DCBLD1: variants seen among roughly 807,000 people sequenced by gnomAD.
DCBLD1 encodes discoidin, CUB and LCCL domain containing 1.
Under a neutral mutation model 71.5 loss-of-function variants are expected in DCBLD1, and 57 were observed. That is an observed-to-expected ratio of 0.80 (90% CI 0.64 to 0.99). The LOEUF (loss-of-function observed/expected upper bound fraction) is 0.99, where lower values mean the gene tolerates loss of function less well. Among genes scored for constraint, DCBLD1 ranks in the 50% least tolerant of loss-of-function variants. The pLI, the probability that DCBLD1 is intolerant of heterozygous loss-of-function variation, is 0.00. For synonymous variants in DCBLD1, 380 were observed against 363.8 expected (o/e 1.04, Z -0.51); for missense variants, 891 against 923.5 (o/e 0.96, Z 0.46).
intron 2 of DCBLD1, among the ~76,000 whole-genome samples, chr6:117,506,527 T>G (rs1777849178): frequency 6.6e-6 from 1 of 152,240 alleles, no homozygotes; most frequent in Non-Finnish European, 1.5e-5. Flanking sequence ...TTTAAAGATT[T>G]CCTTTGACCA....
chr6:117,541,406 C>CT (rs1779092618), intron 11 of DCBLD1, among the ~76,000 whole-genome samples: 1 of 152,062 alleles, frequency 6.6e-6, no homozygotes, highest in Non-Finnish European at 1.5e-5. Flanking sequence ...ATAGAACTAT[C>CT]TAAGTAGCAC....
chr6:117,540,843 A>T, intron 10 of DCBLD1, 28 bp downstream of exon 10: 1 of 1,614,152 alleles, frequency 6.2e-7, no homozygotes, highest in Non-Finnish European at 8.5e-7. Flanking sequence ...CCAGTGAGTT[A>T]CTCAAGTTTG....
At chr6:117,539,126 AAT>A (rs1779003153) in intron 8 of DCBLD1, 127 bp from the exon 9 acceptor site, 1 of 839,292 alleles carries the variant, frequency 1.2e-6, no homozygotes, top group African/African-American at 1.7e-5. Context: ...AAATGCAACT[AAT>A]ATAAGTTGGC....
chr6:117,564,769 T>C (rs1177127165), intron 14 of DCBLD1, among the ~76,000 whole-genome samples: 4 of 152,150 alleles, frequency 2.6e-5, no homozygotes, highest in Admixed American at 2.6e-4. Flanking sequence ...AAGTGTGAAA[T>C]ACAATGAAAC....
chr6:117,502,348 G>A (rs1361928577), intron 1 of DCBLD1, among the ~76,000 whole-genome samples: 1 of 152,214 alleles, frequency 6.6e-6, no homozygotes, highest in Non-Finnish European at 1.5e-5. Context: ...TCAGCCCTCT[G>A]TCAGGGGCTG....
At chr6:117,500,196 C>A (rs1054194630) in intron 1 of DCBLD1, among the ~76,000 whole-genome samples, 1 of 152,154 alleles carries the variant, frequency 6.6e-6, no homozygotes, top group African/African-American at 2.4e-5. Context: ...GTGAAAATTC[C>A]TGATGTAGTT....
chr6:117,543,244 C>A (rs1779160542), intron 12 of DCBLD1, 33 bp downstream of exon 12: 7 of 1,597,776 alleles, frequency 4.4e-6, no homozygotes, highest in African/African-American at 2.7e-5. Context: ...AATTTCTTCT[C>A]TAATTATGCG....
At chr6:117,502,703 C>G (rs1777704941) in intron 1 of DCBLD1, among the ~76,000 whole-genome samples, 1 of 152,020 alleles carries the variant, frequency 6.6e-6, no homozygotes, top group Non-Finnish European at 1.5e-5. Flanking sequence ...CAACAGCTTT[C>G]TGCTTCTCTC....
chr6:117,556,186 TATA>T (rs1779493184), intron 14 of DCBLD1, among the ~76,000 whole-genome samples: 4 of 152,348 alleles, frequency 2.6e-5, no homozygotes, highest in African/African-American at 7.2e-5. Flanking sequence ...TTTTCCTTGT[TATA>T]GTCCATTACC....
chr6:117,503,913 T>G lies in DCBLD1; in HGVS notation c.259T>G (p.Leu87Val). The change falls in exon 2 of 15, where the codon TTG becomes GTG. Residue 87 changes from leucine to valine, a missense_variant. Transcript: ENST00000338728. ...AAGACTGATTCTGAGGTTGGGAGATTTGGATATCGAATCCCAGACCTGTGC... is the reference window on the plus strand; with the variant it reads ...AAGACTGATTCTGAGGTTGGGAGATGTGGATATCGAATCCCAGACCTGTGC... ...GKRLILRLGD[L>V]DIESQTCASD... The G allele has an allele frequency of 6.2e-7, 1 of 1,614,144 alleles. No homozygotes were observed. The highest frequency in any genetic ancestry group is 8.5e-7 in the Non-Finnish European group (1 of 1,180,002).
intron 1 of DCBLD1, among the ~76,000 whole-genome samples, chr6:117,503,163 T>C (rs1777719273): frequency 7.4e-6 from 1 of 135,608 alleles, no homozygotes; most frequent in African/African-American, 3.2e-5. Context: ...CTCAACATAG[T>C]AGATCCTTGA....
intron 5 of DCBLD1, among the ~76,000 whole-genome samples, chr6:117,530,654 A>G (rs1207886068): frequency 6.6e-6 from 1 of 152,182 alleles, no homozygotes; most frequent in Non-Finnish European, 1.5e-5. Context: ...ACTTGCATAT[A>G]CTTTGTGGAG....
At chr6:117,567,720 T>C (rs1034960995) in intron 14 of DCBLD1, among the ~76,000 whole-genome samples, 3 of 152,044 alleles carry the variant, frequency 2.0e-5, no homozygotes, top group Non-Finnish European at 2.9e-5. Flanking sequence ...TAGTCTCTTT[T>C]ACATGAACGA....
chr6:117,487,966 A>G (rs1187322636), intron 1 of DCBLD1, among the ~76,000 whole-genome samples: 1 of 152,160 alleles, frequency 6.6e-6, no homozygotes, highest in Non-Finnish European at 1.5e-5. Context: ...AATAAAGCAA[A>G]CGCATGTGAT....
Position 117,548,149 on chromosome 6 carries a change from G to A in DCBLD1, c.1858G>A (p.Gly620Ser), listed in dbSNP as rs767472043. 6.5e-7 allele frequency: 1 copy of A among 1,550,118 alleles called. No homozygotes were observed. Among genetic ancestry groups the A allele is most frequent in the Non-Finnish European group, 8.7e-7 (1 of 1,146,778 alleles). The change falls in exon 15 of 15, where the codon GGC (glycine) becomes AGC (serine). Residue 620 changes from glycine to serine, a missense_variant. By Grantham distance (56) the Gly-to-Ser change is moderately conservative (BLOSUM62 0). Coordinates refer to ENST00000338728, the MANE Select transcript of DCBLD1 (RefSeq NM_001366458.2). ...LRAHTFSAQS[G>S]YRVPGPQPGH... ...CGCCCACACGTTCTCTGCGCAGAGC[G>A]GCTACCGCGTCCCAGGGCCCCAGCC...
In DCBLD1 at chr6:117,521,540, T is replaced by G. The variant is rs1380205803; in HGVS notation, c.476T>G (p.Leu159Trp). 1 of 1,574,404 alleles carries G rather than the reference T, an allele frequency of 6.4e-7. No individual in the cohort carries two copies. The highest frequency in any genetic ancestry group is 8.6e-7 in the Non-Finnish European group (1 of 1,168,168). Residue 159 changes from leucine (L) to tryptophan (W), a missense_variant, in exon 4 of 15, where the codon TTG becomes TGG. Coordinates refer to ENST00000338728, the MANE Select transcript of DCBLD1 (RefSeq NM_001366458.2). ...TTTATGACAGATTTAATAACATGTT[T>G]GGAACGAGCTAGCCATTATTTGAAG... Reference protein sequence around the residue: ...SSDHPDLITCLERASHYLKTE... With the variant: ...SSDHPDLITCWERASHYLKTE...
chr6:117,556,088 GC>G (rs1427722474), intron 14 of DCBLD1, among the ~76,000 whole-genome samples: 1 of 152,156 alleles, frequency 6.6e-6, no homozygotes, highest in Non-Finnish European at 1.5e-5. Flanking sequence ...GGAATCTGCT[GC>G]CCCCTGCTGG....
chr6:117,539,108 A>T, intron 8 of DCBLD1, 147 bp from the exon 9 acceptor site: 1 of 770,844 alleles, frequency 1.3e-6, no homozygotes, highest in Non-Finnish European at 2.0e-6. Context: ...ATCTGTGAAG[A>T]GATTTTTAAA....
chr6:117,527,374 C>T (rs1286797737), intron 5 of DCBLD1, among the ~76,000 whole-genome samples: 2 of 152,090 alleles, frequency 1.3e-5, no homozygotes, highest in Admixed American at 1.3e-4. Context: ...TTGGGAAATG[C>T]GTTCAGTTGT....
Sources: allele counts gnomAD v4.1 joint callset (sites outside exome capture counted in the v4.1 genomes callset), GRCh38; gene constraint gnomAD v4.1.1; transcripts MANE v1.5; gene names NCBI Gene and HGNC (gene_info 2026-07-23, HGNC 2026-07-21).